The following NOP58 variants were observed in gnomAD, a reference collection of about 807,000 sequenced individuals.
The protein encoded by NOP58 is nucleolar protein 58.
NOP58 carries 44 observed loss-of-function variants against 71.2 expected under a neutral mutation model. That is an observed-to-expected ratio of 0.62 (90% CI 0.49 to 0.79). NOP58 has a LOEUF of 0.79. NOP58 is among the 30% of genes least tolerant of loss of function. The pLI is 0.00. For missense variants in NOP58, 538 were observed against 620.2 expected, an observed-to-expected ratio of 0.87 and a Z score of 1.41; for synonymous variants, 228 against 200.3, an observed-to-expected ratio of 1.14 and a Z score of -1.17.
intron 1 of NOP58, among the ~76,000 whole-genome samples, chr2:202,272,494 G>A (rs1238864389): frequency 6.6e-6 from 1 of 152,054 alleles, no homozygotes; most frequent in Non-Finnish European, 1.5e-5. Flanking sequence ...AGATATGTTG[G>A]TAAAAATAAC....
chr2:202,290,955 T>C, intron 7 of NOP58, 170 bp from the exon 8 acceptor site: 1 of 535,140 alleles, frequency 1.9e-6, no homozygotes, highest in Non-Finnish European at 3.2e-6. Context: ...TGTCTAAACT[T>C]AAACCCTTAA....
chr2:202,290,464 A>G lies in NOP58; in HGVS notation c.634+7A>G. 1 of 1,603,860 alleles carries G rather than the reference A, an allele frequency of 6.2e-7. No individual in the cohort carries two copies. The highest frequency in any genetic ancestry group is 1.1e-5 in the South Asian group (1 of 90,198). On this transcript the variant is annotated splice_region_variant and intron_variant, in intron 7 of 14. Transcript: ENST00000264279. The stretch of plus-strand genomic sequence containing the variant: ...AAGTGTTTACAGAAAGTTGGTGAGT[A>G]ATTTGTTCATCCTTTAAGGCATTGA...
chr2:202,290,528 T>A, intron 7 of NOP58, 71 bp downstream of exon 7: 1 of 1,333,778 alleles, frequency 7.5e-7, no homozygotes, highest in Non-Finnish European at 1.0e-6. Flanking sequence ...ACATGACGTA[T>A]AGCATTTTGT....
intron 10 of NOP58, among the ~76,000 whole-genome samples, chr2:202,296,317 C>T (rs1013713351): frequency 6.6e-6 from 1 of 152,070 alleles, no homozygotes; most frequent in African/African-American, 2.4e-5. Flanking sequence ...TGCCTCCCTG[C>T]CTCAGCCTTC....
chr2:202,301,099 C>T (rs73990247), intron 13 of NOP58, among the ~76,000 whole-genome samples: 1 of 152,168 alleles, frequency 6.6e-6, no homozygotes, highest in African/African-American at 2.4e-5. Context: ...GCATTTGAGG[C>T]ACCAAACTCT....
At chr2:202,278,753 C>T (rs1261414782) in intron 3 of NOP58, among the ~76,000 whole-genome samples, 7 of 151,906 alleles carry the variant, frequency 4.6e-5, no homozygotes, top group East Asian at 1.9e-4. Flanking sequence ...AATGAAGGAC[C>T]GTGAGGAAGA....
chr2:202,273,374 A>G (rs1241337011), intron 1 of NOP58, among the ~76,000 whole-genome samples: 1 of 152,218 alleles, frequency 6.6e-6, no homozygotes, highest in East Asian at 1.9e-4. Context: ...CATTTTCTGT[A>G]TTACATTTGT....
chr2:202,271,553 C>T (rs551805634), intron 1 of NOP58, among the ~76,000 whole-genome samples: 125 of 151,602 alleles, frequency 8.2e-4, no homozygotes, highest in East Asian at 4.2e-3. Context: ...GCCGACAGAG[C>T]GCAAGACTCC....
chr2:202,276,236 A>T (rs1170544873), intron 2 of NOP58, among the ~76,000 whole-genome samples: 1 of 151,654 alleles, frequency 6.6e-6, no homozygotes, highest in East Asian at 2.0e-4. Flanking sequence ...TACTGGGAGG[A>T]AGCTGAGGCA....
At chr2:202,287,563 T>A in intron 5 of NOP58, 97 bp from the exon 6 acceptor site, 1 of 889,366 alleles carries the variant, frequency 1.1e-6, no homozygotes, top group South Asian at 1.5e-5. Context: ...ACAGGCTGAT[T>A]TGAGTAAAAA....
At chr2:202,278,226 A>G (rs751989511) in intron 3 of NOP58, 10 of 624,424 alleles carry the variant, frequency 1.6e-5, no homozygotes, top group Non-Finnish European at 3.1e-5. Flanking sequence ...GGTTTTCCCC[A>G]TGTGTGAGGA....
intron 9 of NOP58, among the ~76,000 whole-genome samples, chr2:202,294,505 T>C (rs1243996772): frequency 6.6e-6 from 1 of 152,126 alleles, no homozygotes; most frequent in African/African-American, 2.4e-5. Context: ...TTTATGGAGA[T>C]GTATTCTAAG....
intron 8 of NOP58, among the ~76,000 whole-genome samples, chr2:202,292,260 G>A (rs1228743635): frequency 1.3e-5 from 2 of 151,646 alleles, no homozygotes; most frequent in African/African-American, 4.8e-5. Context: ...CCAAAGTGCT[G>A]GAATTACAGG....
chr2:202,294,626 G>T (rs1476723163), intron 9 of NOP58, among the ~76,000 whole-genome samples: 2 of 152,026 alleles, frequency 1.3e-5, no homozygotes, highest in Non-Finnish European at 2.9e-5. Context: ...TATAAATTAG[G>T]TACAGTAGGA....
intron 12 of NOP58, chr2:202,299,860 T>TCC (rs1553574124): frequency 0.012 from 1,745 of 149,636 alleles, 17 homozygotes; most frequent in African/African-American, 0.017. Context: ...TTTTTTTTTT[T>TCC]CCCCCATTGA....
In NOP58 at chr2:202,295,601, AG is replaced by A; in HGVS notation, c.908-71del. 2.9e-6 allele frequency: 3 copies of A among 1,019,788 alleles called. No individual in the cohort carries two copies. In the South Asian group the frequency reaches 6.8e-5, roughly 23 times the overall value. The allele number at this position is 1,019,788 out of a possible 1,614,324, so 63.2% of individuals were successfully genotyped here. ...ATTATGGTGGCTGTAATAATTCTAT[AG>A]GTCTTTTGTTTCAGTACGTGGAACA... is the stretch of plus-strand genomic sequence containing the variant. On this transcript the variant is annotated intron_variant, in intron 9 of 14. Coordinates refer to ENST00000264279, the MANE Select transcript of NOP58 (RefSeq NM_015934.5).
At chr2:202,288,651 T>C (rs1276481139) in intron 6 of NOP58, among the ~76,000 whole-genome samples, 1 of 150,734 alleles carries the variant, frequency 6.6e-6, no homozygotes, top group Non-Finnish European at 1.5e-5. Flanking sequence ...CGATCTTTAG[T>C]AAAAAATAAA....
At chr2:202,279,827 A>G (rs1373165996) in intron 3 of NOP58, among the ~76,000 whole-genome samples, 1 of 152,174 alleles carries the variant, frequency 6.6e-6, no homozygotes, top group Non-Finnish European at 1.5e-5. Context: ...TGTACAGTAA[A>G]TGGACAAAAT....
chr2:202,301,531 C>T (rs1689093830), intron 13 of NOP58, among the ~76,000 whole-genome samples: 1 of 152,146 alleles, frequency 6.6e-6, no homozygotes. Context: ...GGCCATCAAC[C>T]TTGACTTTTT....
Sources: allele counts gnomAD v4.1 joint callset (sites outside exome capture counted in the v4.1 genomes callset), GRCh38; gene constraint gnomAD v4.1.1; transcripts MANE v1.5; gene names NCBI Gene and HGNC (gene_info 2026-07-23, HGNC 2026-07-21).